AVL9: variants seen among roughly 807,000 people sequenced by gnomAD.
AVL9 encodes the protein late secretory pathway protein AVL9 homolog.
Under a neutral mutation model 79.2 loss-of-function variants are expected in AVL9, and 49 were observed. That is an observed-to-expected ratio of 0.62 (90% CI 0.49 to 0.79). AVL9 has a LOEUF of 0.79. Among genes scored for constraint, AVL9 ranks in the 30% least tolerant of loss-of-function variants. The pLI is 0.00. For synonymous variants in AVL9, 299 were observed against 280.6 expected, an observed-to-expected ratio of 1.07 and a Z score of -0.65; for missense variants, 682 against 776.8, an observed-to-expected ratio of 0.88 and a Z score of 1.45.
At position 32,585,160 on chromosome 7, in the gene AVL9, T is replaced by C. The variant is rs1791718470; in HGVS notation, c.*1253T>C. 1 of 152,230 alleles carries C rather than the reference T, an allele frequency of 6.6e-6. No homozygotes were observed. The highest frequency in any genetic ancestry group is 1.5e-5 in the Non-Finnish European group (1 of 68,038). 9.4% of individuals were successfully genotyped at this position (152,230 alleles called of 1,614,324 possible). A position where few individuals can be genotyped will look rare whatever the true frequency, so the allele number is the denominator to read the frequency against. On this transcript the variant is annotated 3_prime_UTR_variant, in exon 16 of 16. Transcript: ENST00000318709. ...TCATAAAGCTTTTCAAAGCACTTAG[T>C]CTTCTACTTCCCTAACTGAAAGTCC...
At chr7:32,549,561 A>T (rs1211889040) in intron 4 of AVL9, among the ~76,000 whole-genome samples, 1 of 151,958 alleles carries the variant, frequency 6.6e-6, no homozygotes, top group Non-Finnish European at 1.5e-5. Flanking sequence ...AATTTTGAGG[A>T]TGAGAATATT....
At chr7:32,573,116 C>A in intron 11 of AVL9, 83 bp from the exon 12 acceptor site, 1 of 1,058,714 alleles carries the variant, frequency 9.4e-7, no homozygotes, top group Non-Finnish European at 1.4e-6. Context: ...CCAGCTCCAC[C>A]TTCCCCGTAG....
intron 1 of AVL9, among the ~76,000 whole-genome samples, chr7:32,517,086 C>T (rs965280851): frequency 6.6e-6 from 1 of 152,058 alleles, no homozygotes; most frequent in Admixed American, 6.5e-5. Context: ...TTTTTGCAAA[C>T]CAATGAGTTT....
intron 1 of AVL9, among the ~76,000 whole-genome samples, chr7:32,513,362 GACCTTAAGAA>G (rs1787764484): frequency 6.6e-6 from 1 of 152,182 alleles, no homozygotes; most frequent in African/African-American, 2.4e-5. Context: ...TATCATCACA[GACCTTAAGAA>G]ACATTTACAG....
chr7:32,558,981 T>A lies in AVL9; in HGVS notation c.732T>A (p.Ser244Arg), dbSNP rs768452035. The A allele has an allele frequency of 5.0e-6, 8 of 1,612,392 alleles. No homozygotes were observed. The highest frequency in any genetic ancestry group is 8.5e-7 in the Non-Finnish European group (1 of 1,179,344). Reference sequence around the variant, plus strand: ...GTTCTCAGTATAGACCCCGGAAAAGTATGTCTGAAGATGGTGGGCTTCAGG... The same window carrying A: ...GTTCTCAGTATAGACCCCGGAAAAGAATGTCTGAAGATGGTGGGCTTCAGG... ...SDCSQYRPRK[S>R]MSEDGGLQES... Residue 244 changes from serine (S) to arginine (R), a missense_variant, in exon 10 of 16, where the codon AGT becomes AGA. Coordinates refer to ENST00000318709, the MANE Select transcript of AVL9 (RefSeq NM_015060.3).
intron 10 of AVL9, among the ~76,000 whole-genome samples, chr7:32,565,798 A>C (rs184354307): frequency 3.9e-5 from 6 of 152,070 alleles, no homozygotes; most frequent in African/African-American, 1.2e-4. Flanking sequence ...ATCTGAGGTC[A>C]AGAGATCAAG....
In AVL9 at chr7:32,579,557, T is replaced by TTATATATTATATATTA. The variant is rs1365054110; in HGVS notation, c.1689-657_1689-656insATTATATATTATATAT. ...TATATTATATATTATATATTATATA[T>TTATATATTATATATTA]TATATTATATATTATATTATATATT... is the stretch of plus-strand genomic sequence containing the variant. On this transcript the variant is annotated intron_variant, in intron 13 of 15. Coordinates refer to ENST00000318709, the MANE Select transcript of AVL9 (RefSeq NM_015060.3). Among the ~76,000 whole-genome samples the TTATATATTATATATTA allele has an allele frequency of 7.4e-4, 2 of 2,708 alleles. 1 individual carries two copies. Among genetic ancestry groups the TTATATATTATATATTA allele is most frequent in the Non-Finnish European group, 1.1e-3 (2 of 1,796 alleles). The allele number at this position is 2,708 out of a possible 152,430, so 1.8% of individuals were successfully genotyped here.
intron 2 of AVL9, 39 bp from the exon 3 acceptor site, chr7:32,544,655 A>G: frequency 1.4e-6 from 2 of 1,393,692 alleles, no homozygotes; most frequent in Non-Finnish European, 2.0e-6. Context: ...AATAAGGGTA[A>G]TTCACCTCAC....
At chr7:32,506,650 C>T (rs570212880) in intron 1 of AVL9, among the ~76,000 whole-genome samples, 70 of 152,132 alleles carry the variant, frequency 4.6e-4, no homozygotes, top group African/African-American at 1.6e-3. Flanking sequence ...CAGTGGCTCA[C>T]ACCTGTAATC....
chr7:32,526,909 C>T (rs1288887706), intron 1 of AVL9, among the ~76,000 whole-genome samples: 1 of 152,142 alleles, frequency 6.6e-6, no homozygotes, highest in East Asian at 1.9e-4. Flanking sequence ...CCAGGCTCCT[C>T]CCCACTGCGG....
chr7:32,559,331 ACT>A lies in AVL9; in HGVS notation c.1085_1086del (p.Ser362CysfsTer15). On this transcript the variant is annotated frameshift_variant, in exon 10 of 16. Coordinates refer to ENST00000318709, the MANE Select transcript of AVL9 (RefSeq NM_015060.3). LOFTEE classifies it high-confidence loss of function. ...GACCAGACAAATTTGTTTCCAAAGG[ACT>A]CTGTCCCCTCAGAGAGTCTTCCAAT... The A allele has an allele frequency of 6.2e-7, 1 of 1,614,084 alleles. No homozygotes were observed. The highest frequency in any genetic ancestry group is 8.5e-7 in the Non-Finnish European group (1 of 1,180,024).
chr7:32,557,865 T>TTTTTTTG (rs1562787101), intron 8 of AVL9, among the ~76,000 whole-genome samples: 1 of 148,116 alleles, frequency 6.8e-6, no homozygotes, highest in Non-Finnish European at 1.5e-5. Flanking sequence ...TTTTTTTTTT[T>TTTTTTTG]TTTTTTTTGA....
Position 32,584,598 on chromosome 7 carries a change from G to C in AVL9, c.*691G>C, listed in dbSNP as rs551032021. 2 of 152,598 alleles carry C rather than the reference G, an allele frequency of 1.3e-5. No individual in the cohort carries two copies. Among genetic ancestry groups the C allele is most frequent in the African/African-American group, 4.8e-5 (2 of 41,530 alleles). 9.5% of individuals were successfully genotyped at this position (152,598 alleles called of 1,614,324 possible). ...TTATAACTGTGCAGGTGGGTGTGCA[G>C]AGAAATAGCAGAGTGATGGTTCGAT... On this transcript the variant is annotated 3_prime_UTR_variant, in exon 16 of 16. Coordinates refer to ENST00000318709, the MANE Select transcript of AVL9 (RefSeq NM_015060.3).
At chr7:32,570,969 C>T (rs1790813133) in intron 11 of AVL9, among the ~76,000 whole-genome samples, 2 of 146,602 alleles carry the variant, frequency 1.4e-5, no homozygotes, top group African/African-American at 2.5e-5. Flanking sequence ...GTGGCTCACG[C>T]CTGTAATCCC....
rs1308822123 is a variant in AVL9 at position 32,583,857 on chromosome 7, ACCACTTCCACCTCCCAAAGTCTCACTGAG to A, written c.1902_1930del (p.Ser635ArgfsTer2). 1.9e-6 allele frequency: 3 copies of A among 1,613,938 alleles called. No homozygotes were observed. Among genetic ancestry groups the A allele is most frequent in the Non-Finnish European group, 1.7e-6 (2 of 1,179,992 alleles). Reference sequence around the variant, plus strand: ...TATGTCTTCATGGCTTTCCACTTTCACCACTTCCACCTCCCAAAGTCTCACTGAGCCACCAGATGAGAAGCCTTGAGCAA... The same window carrying A: ...TATGTCTTCATGGCTTTCCACTTTCACCACCAGATGAGAAGCCTTGAGCAA... On this transcript the variant is annotated frameshift_variant, in exon 16 of 16. Coordinates refer to ENST00000318709, the MANE Select transcript of AVL9 (RefSeq NM_015060.3). LOFTEE classifies it high-confidence loss of function.
At chr7:32,532,088 A>G (rs1583529172) in intron 1 of AVL9, 1 of 152,194 alleles carries the variant, frequency 6.6e-6, no homozygotes, top group East Asian at 1.9e-4. Flanking sequence ...TTTATTGCCA[A>G]TGAAAGTGGC....
intron 8 of AVL9, among the ~76,000 whole-genome samples, chr7:32,557,272 T>C (rs914391408): frequency 6.6e-6 from 1 of 152,038 alleles, no homozygotes; most frequent in African/African-American, 2.4e-5. Context: ...AGGCTGGTCT[T>C]GAACTCCTGG....
chr7:32,496,362 C>T (rs1054228993), intron 1 of AVL9, among the ~76,000 whole-genome samples: 2 of 152,190 alleles, frequency 1.3e-5, no homozygotes, highest in Non-Finnish European at 2.9e-5. Flanking sequence ...CCTCCCCCTT[C>T]CCATTGGTCC....
chr7:32,520,672 A>G (rs951762067), intron 1 of AVL9, among the ~76,000 whole-genome samples: 22 of 152,206 alleles, frequency 1.4e-4, no homozygotes, highest in Admixed American at 1.4e-3. Flanking sequence ...GAATATGCCT[A>G]TAACCCAGGT....
Sources: allele counts gnomAD v4.1 joint callset (sites outside exome capture counted in the v4.1 genomes callset), GRCh38; gene constraint gnomAD v4.1.1; transcripts MANE v1.5; gene names NCBI Gene and HGNC (gene_info 2026-07-23, HGNC 2026-07-21).